The following ENG variants were observed in gnomAD, a reference collection of about 807,000 sequenced individuals.
The protein encoded by ENG is CD105 antigen.
ENG carries 17 observed loss-of-function variants against 71.0 expected under a neutral mutation model. The ratio of observed to expected loss-of-function variants is 0.24; its 90% CI spans 0.16 to 0.36. ENG has a LOEUF of 0.36. ENG is among the 10% of genes least tolerant of loss of function. The pLI is 1.00. For missense variants in ENG, 749 were observed against 868.3 expected (o/e 0.86, Z 1.73); for synonymous variants, 360 against 366.9 (o/e 0.98, Z 0.21).
intron 2 of ENG, among the ~76,000 whole-genome samples, chr9:127,839,297 C>T (rs41476651): frequency 0.2 from 30,363 of 152,120 alleles, 4,952 homozygotes; most frequent in African/African-American, 0.45. Context: ...CACAGAGTGG[C>T]ACCTGGTGAG....
intron 12 of ENG, 44 bp from the exon 13 acceptor site, chr9:127,817,247 G>C (rs188450612): frequency 6.2e-7 from 1 of 1,608,324 alleles, no homozygotes; most frequent in Non-Finnish European, 8.5e-7. Context: ...TTTGGGAGGC[G>C]GCTTCCAGGT....
At chr9:127,827,609 G>T (rs560536830) in intron 3 of ENG, among the ~76,000 whole-genome samples, 3 of 152,190 alleles carry the variant, frequency 2.0e-5, no homozygotes, top group Non-Finnish European at 4.4e-5. Flanking sequence ...TGAAACAGCA[G>T]CAGCAGAAGG....
chr9:127,825,647 G>A, intron 5 of ENG, 48 bp downstream of exon 5: 1 of 1,444,920 alleles, frequency 6.9e-7, no homozygotes. Flanking sequence ...TCAGGGGGGT[G>A]GTCTCTCGGG....
intron 11 of ENG, 24 bp from the exon 12 acceptor site, chr9:127,818,401 C>A: frequency 5.0e-6 from 8 of 1,611,494 alleles, no homozygotes; most frequent in Non-Finnish European, 6.8e-6. Context: ...TAGGGCCACG[C>A]GGCATGGGCA....
At chr9:127,819,196 C>A in intron 10 of ENG, 2 of 334,482 alleles carry the variant, frequency 6.0e-6, no homozygotes, top group Admixed American at 8.7e-5. Context: ...CTCGGCCTCC[C>A]AAAGTGCTGC....
chr9:127,829,400 C>G (rs1830704251), intron 3 of ENG, among the ~76,000 whole-genome samples: 1 of 152,184 alleles, frequency 6.6e-6, no homozygotes, highest in African/African-American at 2.4e-5. Context: ...TCCCACTGGA[C>G]AGAGAGGCAA....
At chr9:127,854,176 G>A in intron 1 of ENG, 113 bp downstream of exon 1, 1 of 1,116,734 alleles carries the variant, frequency 9.0e-7, no homozygotes, top group Non-Finnish European at 1.3e-6. Context: ...AGAGCCCCAA[G>A]GATGGCTCTG....
At chr9:127,834,800 T>G (rs1184988133) in intron 2 of ENG, among the ~76,000 whole-genome samples, 1 of 140,954 alleles carries the variant, frequency 7.1e-6, no homozygotes, top group Non-Finnish European at 1.5e-5. Flanking sequence ...CCTCCCAAAG[T>G]GCTGGGATTA....
chr9:127,851,450 C>A lies in ENG; in HGVS notation c.67+2839G>T, dbSNP rs41377445. 4.0e-3 allele frequency among the ~76,000 whole-genome samples: 607 copies of A among 151,998 alleles called. 8 individuals carry two copies. Among genetic ancestry groups the A allele is most frequent in the African/African-American group, 0.014 (571 of 41,482 alleles). The stretch of plus-strand genomic sequence containing the variant: ...GGTCAGGCTGGTCATGAACTCCTGA[C>A]CTCAGGTGATCCACCCGCCTCAGCC... On this transcript the variant is annotated intron_variant, in intron 1 of 14. Transcript: ENST00000373203.
chr9:127,829,954 TC>T, intron 2 of ENG, 127 bp from the exon 3 acceptor site: 1 of 1,313,528 alleles, frequency 7.6e-7, no homozygotes. Context: ...CACCCTCACC[TC>T]CCAGTGCCCA....
At chr9:127,841,526 C>T (rs1459573483) in intron 2 of ENG, among the ~76,000 whole-genome samples, 3 of 152,138 alleles carry the variant, frequency 2.0e-5, no homozygotes, top group African/African-American at 7.2e-5. Context: ...GGAAACCACA[C>T]AAAGTGTGTT....
intron 6 of ENG, 126 bp downstream of exon 6, chr9:127,825,105 C>A (rs977946944): frequency 1.8e-5 from 28 of 1,593,966 alleles, no homozygotes; most frequent in African/African-American, 5.4e-5. Flanking sequence ...CTGGCCCCTT[C>A]CCTCACGTAT....
At chr9:127,825,425 C>T (rs1830587246) in intron 5 of ENG, 68 bp from the exon 6 acceptor site, 14 of 1,596,640 alleles carry the variant, frequency 8.8e-6, no homozygotes, top group African/African-American at 1.3e-5. Context: ...GGCCTGGCGT[C>T]GGGTGGGCGG....
At chr9:127,823,716 C>G (rs1308095536) in intron 8 of ENG, among the ~76,000 whole-genome samples, 1 of 129,662 alleles carries the variant, frequency 7.7e-6, no homozygotes, top group South Asian at 2.8e-4. Flanking sequence ...GAGTCTCACT[C>G]TGTTGCCCAG....
intron 1 of ENG, among the ~76,000 whole-genome samples, chr9:127,850,759 C>G (rs1056359637): frequency 6.6e-6 from 1 of 152,242 alleles, no homozygotes; most frequent in Admixed American, 6.5e-5. Flanking sequence ...GCACAGGCCA[C>G]GAGCCGCTGC....
At chr9:127,826,751 A>T in intron 3 of ENG, 79 bp from the exon 4 acceptor site, 2 of 1,566,496 alleles carry the variant, frequency 1.3e-6, no homozygotes, top group Non-Finnish European at 1.7e-6. Context: ...TCAGGAAGTA[A>T]TTTGTGGAGT....
Position 127,818,154 on chromosome 9 carries a change from A to G in ENG, c.1652T>C (p.Val551Ala), listed in dbSNP as rs2131875578. 1 of 1,614,200 alleles carries G rather than the reference A, an allele frequency of 6.2e-7. No individual in the cohort carries two copies. Among genetic ancestry groups the G allele is most frequent in the Non-Finnish European group, 8.5e-7 (1 of 1,180,036 alleles). ...IPKTGTLSCT[V>A]ALRPKTGSQD... Reference sequence around the variant, plus strand: ...AGACCCGGTCTTGGGACGCAGGGCTACCGTGCAGCTGAGGGTGCCGGTTTT... The same window carrying G: ...AGACCCGGTCTTGGGACGCAGGGCTGCCGTGCAGCTGAGGGTGCCGGTTTT... Residue 551 changes from valine (V) to alanine (A), a missense_variant, in exon 12 of 15, where the codon GTA becomes GCA. Physicochemically the swap from Val to Ala is moderately conservative, Grantham distance 64 (BLOSUM62 0). Transcript: ENST00000373203.
At chr9:127,826,771 G>T in intron 3 of ENG, 99 bp from the exon 4 acceptor site, 2 of 1,493,278 alleles carry the variant, frequency 1.3e-6, no homozygotes, top group Non-Finnish European at 1.8e-6. Context: ...TCAGCCCATT[G>T]GCTGAGAGAA....
chr9:127,818,915 T>G, intron 10 of ENG, 83 bp from the exon 11 acceptor site: 1 of 1,179,220 alleles, frequency 8.5e-7, no homozygotes, highest in Non-Finnish European at 1.3e-6. Flanking sequence ...ACAGGCATCA[T>G]GGCCCTGTGG....
Sources: allele counts gnomAD v4.1 joint callset (sites outside exome capture counted in the v4.1 genomes callset), GRCh38; gene constraint gnomAD v4.1.1; transcripts MANE v1.5; gene names NCBI Gene and HGNC (gene_info 2026-07-23, HGNC 2026-07-21).